KLHL13: variants seen among roughly 807,000 people sequenced by gnomAD.
The protein encoded by KLHL13 is kelch like family member 13, also known as kelch-like protein 13.
Under a neutral mutation model 37.1 loss-of-function variants are expected in KLHL13, and 10 were observed. That is an observed-to-expected ratio of 0.27 (90% CI 0.17 to 0.46). The LOEUF is 0.46. KLHL13 is among the 20% of genes least tolerant of loss of function. The pLI, the probability that KLHL13 is intolerant of heterozygous loss-of-function variation, is 1.00. For missense variants in KLHL13, 360 were observed against 509.3 expected, an observed-to-expected ratio of 0.71 and a Z score of 2.82; for synonymous variants, 163 against 181.2, an observed-to-expected ratio of 0.90 and a Z score of 0.81.
intron 1 of KLHL13, among the ~76,000 whole-genome samples, chrX:117,953,346 T>C (rs144225107): frequency 0.026 from 2,812 of 110,045 alleles, 35 homozygotes; most frequent in Middle Eastern, 0.06. Context: ...TAGATGGGAA[T>C]TGAACAATGA....
intron 1 of KLHL13, among the ~76,000 whole-genome samples, chrX:118,033,143 A>T (rs182970680): frequency 0.053 from 5,867 of 111,254 alleles, 389 homozygotes; most frequent in African/African-American, 0.18. Context: ...AGGGGGGGGA[A>T]TGGAACCAAG....
chrX:117,941,548 TC>T (rs1179027995), intron 2 of KLHL13, among the ~76,000 whole-genome samples: 3 of 111,640 alleles, frequency 2.7e-5, no homozygotes, highest in African/African-American at 9.8e-5. Flanking sequence ...TTCGACTTCT[TC>T]CTAGTTTAGT....
intron 1 of KLHL13, among the ~76,000 whole-genome samples, chrX:118,039,532 C>T (rs2054486105): frequency 9.0e-6 from 1 of 111,293 alleles, no homozygotes; most frequent in South Asian, 3.8e-4. Context: ...GTGGGGAGGA[C>T]TTTGTCTTGC....
At chrX:118,095,567 C>T (rs192363127) in intron 1 of KLHL13, among the ~76,000 whole-genome samples, 4,296 of 111,370 alleles carry the variant, frequency 0.039, 226 homozygotes, top group African/African-American at 0.13. Flanking sequence ...GAACTCTCCA[C>T]CCCAAATCAA....
intron 1 of KLHL13, among the ~76,000 whole-genome samples, chrX:118,096,551 A>C (rs1272294195): frequency 8.9e-6 from 1 of 111,924 alleles, no homozygotes; most frequent in East Asian, 2.8e-4. Context: ...TCAATAGAAA[A>C]AGAGGGAATC....
chrX:118,102,963 T>G (rs903892768), intron 1 of KLHL13, among the ~76,000 whole-genome samples: 3 of 112,224 alleles, frequency 2.7e-5, no homozygotes, highest in Admixed American at 9.5e-5. Context: ...ATGTGATACT[T>G]TCTCATTCAG....
chrX:118,088,350 C>T (rs769901796), intron 1 of KLHL13, among the ~76,000 whole-genome samples: 1 of 112,032 alleles, frequency 8.9e-6, no homozygotes, highest in African/African-American at 3.2e-5. Context: ...ATTACTTAAG[C>T]ATTATATATA....
intron 1 of KLHL13, among the ~76,000 whole-genome samples, chrX:118,048,900 A>T (rs1278556635): frequency 8.9e-6 from 1 of 112,105 alleles, no homozygotes; most frequent in Non-Finnish European, 1.9e-5. Context: ...AAACTGACAA[A>T]ACTGCTTATG....
chrX:118,112,176 T>C (rs2055419215), intron 1 of KLHL13, among the ~76,000 whole-genome samples: 1 of 112,033 alleles, frequency 8.9e-6, no homozygotes, highest in Non-Finnish European at 1.9e-5. Context: ...ACGTGAAAAG[T>C]AAAACAGTAT....
chrX:117,974,338 C>T (rs921534868), upstream of KLHL13, among the ~76,000 whole-genome samples: 1 of 111,884 alleles, frequency 8.9e-6, no homozygotes, highest in Non-Finnish European at 1.9e-5. Context: ...GACATGAAAG[C>T]AACTACCTAT....
In KLHL13 at chrX:118,032,464, C is replaced by A. The variant is rs373960044; in HGVS notation, c.-56+84044G>T. 1.1e-4 allele frequency among the ~76,000 whole-genome samples: 12 copies of A among 111,433 alleles called. No individual in the cohort carries two copies. In the East Asian group the frequency reaches 2.3e-3, roughly 21 times the overall value. On this transcript the variant is annotated intron_variant, in intron 1 of 6. Coordinates refer to the KLHL13 transcript ENST00000371882. ...CCCCAAGCAGCCTAACTGGGAGGCA[C>A]CCCCCAGCAGGGGCAGCCTGACACC... is the stretch of plus-strand genomic sequence containing the variant.
intron 1 of KLHL13, among the ~76,000 whole-genome samples, chrX:118,112,495 G>A (rs1244954822): frequency 1.8e-5 from 2 of 111,546 alleles, no homozygotes; most frequent in South Asian, 3.8e-4. Context: ...AAAAAAGAAA[G>A]GCATGGCATC....
intron 2 of KLHL13, among the ~76,000 whole-genome samples, chrX:117,923,296 T>C (rs1931824766): frequency 8.9e-6 from 1 of 111,985 alleles, no homozygotes; most frequent in South Asian, 3.7e-4. Context: ...AAGGATTTGA[T>C]TTTTCTTGGG....
chrX:117,989,708 C>G (rs1368952514), intron 1 of KLHL13, among the ~76,000 whole-genome samples: 1 of 111,218 alleles, frequency 9.0e-6, no homozygotes, highest in Non-Finnish European at 1.9e-5. Flanking sequence ...TCAGTGACTT[C>G]ACATCTGATT....
intron 1 of KLHL13, among the ~76,000 whole-genome samples, chrX:117,978,937 T>A (rs1602620602): frequency 9.0e-6 from 1 of 110,730 alleles, no homozygotes; most frequent in African/African-American, 3.3e-5. Context: ...TTATTTTATT[T>A]TTTTTATTTT....
At chrX:118,103,294 T>C (rs2106682) in intron 1 of KLHL13, among the ~76,000 whole-genome samples, 4,484 of 111,435 alleles carry the variant, frequency 0.04, 231 homozygotes, top group African/African-American at 0.14. Flanking sequence ...TTATCCTACC[T>C]ACTAGCTGTG....
At chrX:117,933,557 A>C (rs1483306376) in intron 2 of KLHL13, among the ~76,000 whole-genome samples, 1 of 111,869 alleles carries the variant, frequency 8.9e-6, no homozygotes, top group Non-Finnish European at 1.9e-5. Flanking sequence ...AAACTACTAG[A>C]AGAAAATACA....
At chrX:118,095,378 C>A (rs1401957041) in intron 1 of KLHL13, among the ~76,000 whole-genome samples, 1 of 104,921 alleles carries the variant, frequency 9.5e-6, no homozygotes, top group Non-Finnish European at 2.0e-5. Context: ...CAGGAGCACC[C>A]AGATTCATAA....
At chrX:117,912,950 A>G (rs770742495) in intron 4 of KLHL13, among the ~76,000 whole-genome samples, 1 of 112,204 alleles carries the variant, frequency 8.9e-6, no homozygotes, top group South Asian at 3.7e-4. Context: ...GAATTAATGT[A>G]GCAAATTACT....
Sources: allele counts gnomAD v4.1 joint callset (sites outside exome capture counted in the v4.1 genomes callset), GRCh38; gene constraint gnomAD v4.1.1; transcripts MANE v1.5; gene names NCBI Gene and HGNC (gene_info 2026-07-23, HGNC 2026-07-21).